The following HDAC9 variants were observed in gnomAD, a reference collection of about 807,000 sequenced individuals.
The protein encoded by HDAC9 is histone deacetylase 9.
In HDAC9, 41 loss-of-function variants were observed where a neutral mutation model predicts 139.4. The ratio of observed to expected loss-of-function variants is 0.29; its 90% CI spans 0.23 to 0.38. The LOEUF (loss-of-function observed/expected upper bound fraction) is 0.38. Among genes scored for constraint, HDAC9 ranks in the 10% least tolerant of loss-of-function variants. HDAC9 has a pLI of 1.00. For missense variants in HDAC9, 1,147 were observed against 1,297.0 expected (o/e 0.88, Z 1.78); for synonymous variants, 517 against 476.2 (o/e 1.09, Z -1.12).
chr7:18,260,768 T>C (rs1458275562), intron 2 of HDAC9, among the ~76,000 whole-genome samples: 1 of 152,206 alleles, frequency 6.6e-6, no homozygotes, highest in Non-Finnish European at 1.5e-5. Flanking sequence ...TAGGAGATAA[T>C]GAATGTCCTG....
At chr7:18,429,966 G>A (rs1790489529) in intron 1 of HDAC9, among the ~76,000 whole-genome samples, 1 of 152,078 alleles carries the variant, frequency 6.6e-6, no homozygotes, top group African/African-American at 2.4e-5. Context: ...AATACCACTT[G>A]GGTGTCAAGA....
intron 25 of HDAC9, among the ~76,000 whole-genome samples, chr7:18,977,576 C>T (rs932257422): frequency 6.6e-6 from 1 of 152,112 alleles, no homozygotes; most frequent in African/African-American, 2.4e-5. Flanking sequence ...AAATAGTGTG[C>T]TTGACTCATG....
At chr7:18,813,541 T>C (rs1374113581) in intron 17 of HDAC9, among the ~76,000 whole-genome samples, 1 of 152,148 alleles carries the variant, frequency 6.6e-6, no homozygotes, top group Admixed American at 6.5e-5. Flanking sequence ...TTTATTTATC[T>C]ATTTATTTCT....
chr7:18,326,619 C>G (rs1452911507), intron 1 of HDAC9, among the ~76,000 whole-genome samples: 5 of 151,926 alleles, frequency 3.3e-5, no homozygotes, highest in Admixed American at 2.6e-4. Context: ...TGTACATGCT[C>G]CATCTATAAC....
At chr7:18,972,057 T>G (rs1784273339) in intron 24 of HDAC9, among the ~76,000 whole-genome samples, 1 of 152,250 alleles carries the variant, frequency 6.6e-6, no homozygotes, top group Non-Finnish European at 1.5e-5. Context: ...CCTTGCTTAT[T>G]CTAAATGTGC....
In HDAC9 at chr7:18,815,056, C is replaced by T. The variant is rs190491584; in HGVS notation, c.2323-14105C>T. 2.7e-3 allele frequency among the ~76,000 whole-genome samples: 407 copies of T among 152,060 alleles called. 2 individuals are homozygous for T. The highest frequency in any genetic ancestry group is 0.024 in the South Asian group (114 of 4,812). ...GAAAGAGATATTACAATGGGGCATT[C>T]GTTGGTACAGTCTTTATAGCCCAGT... On this transcript the variant is annotated intron_variant, in intron 17 of 25. Coordinates refer to ENST00000686413, the MANE Select transcript of HDAC9 (RefSeq NM_178425.4).
At chr7:18,561,007 T>C (rs896435229) in intron 2 of HDAC9, among the ~76,000 whole-genome samples, 1 of 152,120 alleles carries the variant, frequency 6.6e-6, no homozygotes, top group Non-Finnish European at 1.5e-5. Flanking sequence ...CCGATATTCT[T>C]ACATACTGTA....
At chr7:18,732,356 A>G (rs1786136106) in intron 13 of HDAC9, among the ~76,000 whole-genome samples, 1 of 151,822 alleles carries the variant, frequency 6.6e-6, no homozygotes, top group South Asian at 2.1e-4. Context: ...AATACTTTTT[A>G]CTCTATAAGC....
intron 22 of HDAC9, among the ~76,000 whole-genome samples, chr7:18,933,279 A>C (rs1357124017): frequency 6.6e-6 from 1 of 152,154 alleles, no homozygotes; most frequent in Non-Finnish European, 1.5e-5. Context: ...CTTAGAAGGC[A>C]ACAAGAGAAC....
At chr7:18,322,991 A>G (rs1442883133) in intron 1 of HDAC9, among the ~76,000 whole-genome samples, 2 of 151,978 alleles carry the variant, frequency 1.3e-5, no homozygotes, top group East Asian at 1.9e-4. Flanking sequence ...AGGGAAAAGA[A>G]CTCCATTACT....
intron 8 of HDAC9, among the ~76,000 whole-genome samples, chr7:18,642,494 T>TG (rs1363340891): frequency 6.6e-6 from 1 of 152,040 alleles, no homozygotes; most frequent in African/African-American, 2.4e-5. Flanking sequence ...GAAGCAAAAT[T>TG]GGGGAAATGA....
chr7:18,360,708 A>G (rs1783708373), intron 1 of HDAC9, among the ~76,000 whole-genome samples: 2 of 152,132 alleles, frequency 1.3e-5, no homozygotes, highest in Admixed American at 6.6e-5. Flanking sequence ...ACTCATTTCA[A>G]AATTATTATG....
chr7:18,753,123 A>G (rs1331347825), intron 14 of HDAC9, among the ~76,000 whole-genome samples: 1 of 152,142 alleles, frequency 6.6e-6, no homozygotes, highest in African/African-American at 2.4e-5. Flanking sequence ...CAAAATATAC[A>G]TCCCCTGTCT....
At chr7:18,712,241 T>G (rs1037907176) in intron 12 of HDAC9, among the ~76,000 whole-genome samples, 4 of 152,214 alleles carry the variant, frequency 2.6e-5, no homozygotes, top group African/African-American at 9.6e-5. Context: ...TCCCTAAAGA[T>G]GTTGACAAAT....
intron 1 of HDAC9, among the ~76,000 whole-genome samples, chr7:18,320,769 C>A (rs930498089): frequency 6.6e-6 from 1 of 152,144 alleles, no homozygotes; most frequent in East Asian, 1.9e-4. Flanking sequence ...ACCCCCCACC[C>A]CAGTTGTCAC....
upstream of HDAC9, among the ~76,000 whole-genome samples, chr7:18,289,687 C>A (rs1585019674): frequency 6.6e-6 from 1 of 152,212 alleles, no homozygotes; most frequent in African/African-American, 2.4e-5. Flanking sequence ...AAAATTGCAT[C>A]ATCTAGGGTT....
chr7:18,597,930 CA>C (rs1832920448), intron 6 of HDAC9, among the ~76,000 whole-genome samples: 1 of 152,016 alleles, frequency 6.6e-6, no homozygotes, highest in South Asian at 2.1e-4. Flanking sequence ...GGAAAGAGTC[CA>C]AACATAAGTG....
intron 22 of HDAC9, among the ~76,000 whole-genome samples, chr7:18,901,993 T>G (rs1470840579): frequency 6.6e-6 from 1 of 152,182 alleles, no homozygotes; most frequent in Non-Finnish European, 1.5e-5. Context: ...AGAGGAAAAG[T>G]TACACATGAA....
chr7:18,526,199 T>A (rs1052563406), intron 2 of HDAC9, among the ~76,000 whole-genome samples: 3 of 152,192 alleles, frequency 2.0e-5, no homozygotes, highest in Admixed American at 2.0e-4. Flanking sequence ...GTTGGAATTG[T>A]ATAGCAATAT....
Sources: allele counts gnomAD v4.1 joint callset (sites outside exome capture counted in the v4.1 genomes callset), GRCh38; gene constraint gnomAD v4.1.1; transcripts MANE v1.5; gene names NCBI Gene and HGNC (gene_info 2026-07-23, HGNC 2026-07-21).